The following GREB1 variants were observed in gnomAD, a reference collection of about 807,000 sequenced individuals.
GREB1 encodes the protein growth regulating estrogen receptor binding 1, also known as protein GREB1.
Under a neutral mutation model 200.7 loss-of-function variants are expected in GREB1, and 106 were observed. The ratio of observed to expected loss-of-function variants is 0.53; its 90% CI spans 0.45 to 0.62. The LOEUF is 0.62. Ranked by LOEUF, GREB1 falls within the 20% of genes least tolerant of loss-of-function variation. The pLI is 0.00. For synonymous variants in GREB1, 1,132 were observed against 1,092.4 expected (o/e 1.04, Z -0.72); for missense variants, 2,243 against 2,556.8 (o/e 0.88, Z 2.65).
intron 1 of GREB1, among the ~76,000 whole-genome samples, chr2:11,518,200 G>T (rs1673575181): frequency 6.6e-6 from 1 of 152,180 alleles, no homozygotes; most frequent in African/African-American, 2.4e-5. Flanking sequence ...CCTCCTTCCA[G>T]TTGTTTGACG....
chr2:11,626,761 C>T (rs975029991), intron 24 of GREB1, among the ~76,000 whole-genome samples: 5 of 152,148 alleles, frequency 3.3e-5, no homozygotes, highest in Non-Finnish European at 7.4e-5. Flanking sequence ...TTAGTTTATT[C>T]CACTGACACT....
At chr2:11,603,755 G>A (rs1035484534) in intron 17 of GREB1, among the ~76,000 whole-genome samples, 1 of 152,222 alleles carries the variant, frequency 6.6e-6, no homozygotes, top group Non-Finnish European at 1.5e-5. Context: ...CAAGAAAACC[G>A]GCCTTTGCCC....
chr2:11,567,213 C>T (rs1366355412), intron 4 of GREB1, among the ~76,000 whole-genome samples: 1 of 152,204 alleles, frequency 6.6e-6, no homozygotes, highest in Non-Finnish European at 1.5e-5. Flanking sequence ...CGACCCCCAC[C>T]TCCTGGGTTC....
intron 1 of GREB1, among the ~76,000 whole-genome samples, chr2:11,507,725 A>G (rs1215118314): frequency 6.6e-6 from 1 of 152,050 alleles, no homozygotes; most frequent in Non-Finnish European, 1.5e-5. Context: ...CTCTGGGTGG[A>G]GCTGGTTGCC....
At position 11,620,942 on chromosome 2, in the gene GREB1, TC is replaced by T; in HGVS notation, c.4084del (p.Leu1362CysfsTer63). 6.2e-7 allele frequency: 1 copy of T among 1,613,108 alleles called. No individual in the cohort carries two copies. Among genetic ancestry groups the T allele is most frequent in the South Asian group, 1.1e-5 (1 of 91,064 alleles). On this transcript the variant is annotated frameshift_variant, in exon 23 of 33. Coordinates refer to ENST00000381486, the MANE Select transcript of GREB1 (RefSeq NM_014668.4). LOFTEE classifies it high-confidence loss of function. The stretch of plus-strand genomic sequence containing the variant: ...GGTGCCTACCTGCAGTTCCTCAGTG[TC>T]CTGTCCAGGATGCTTGTTCGGCTCA... Reference protein sequence around the residue: ...KTGAYLQFLSVLSRMLVRLTE... With the variant: ...KTGAYLQFLSXLSRMLVRLTE...
intron 1 of GREB1, among the ~76,000 whole-genome samples, chr2:11,499,329 C>T (rs746786447): frequency 2.0e-5 from 3 of 152,204 alleles, no homozygotes; most frequent in Non-Finnish European, 4.4e-5. Flanking sequence ...ACACACAGGC[C>T]GGCTGCAGCC....
At chr2:11,541,799 CT>C (rs1428861128) in intron 1 of GREB1, among the ~76,000 whole-genome samples, 1 of 152,202 alleles carries the variant, frequency 6.6e-6, no homozygotes, top group African/African-American at 2.4e-5. Context: ...CTCCTACCCC[CT>C]GTCCCTGCAT....
At chr2:11,488,355 G>A (rs1672703006) in intron 1 of GREB1, among the ~76,000 whole-genome samples, 1 of 152,168 alleles carries the variant, frequency 6.6e-6, no homozygotes, top group Admixed American at 6.5e-5. Flanking sequence ...CCTGGAAAGT[G>A]CGCATTTACT....
chr2:11,492,534 GA>G lies in GREB1; in HGVS notation c.-159+10154del, dbSNP rs1213757111. ...TTCTCTGCTGTGAGAAGTTTGGGATGAGGGGTGGGTTTCTGTGAGACCCTGA... is the reference window on the plus strand; with the variant it reads ...TTCTCTGCTGTGAGAAGTTTGGGATGGGGGTGGGTTTCTGTGAGACCCTGA... On this transcript the variant is annotated intron_variant, in intron 1 of 2. Coordinates refer to the GREB1 transcript ENST00000628795. The surrounding 1 kb of genome is among the most constrained non-coding windows in gnomAD (Gnocchi z 4.0). 6.6e-6 allele frequency among the ~76,000 whole-genome samples: 1 copy of G among 152,198 alleles called. No homozygotes were observed. The highest frequency in any genetic ancestry group is 1.5e-5 in the Non-Finnish European group (1 of 68,038).
Position 11,483,964 on chromosome 2 carries a change from G to A in GREB1, c.-159+1583G>A, listed in dbSNP as rs570513090. On this transcript the variant is annotated intron_variant, in intron 1 of 2. Transcript: ENST00000628795. Reference sequence around the variant, plus strand: ...TTATTATCCCTTTAAAACAATAAATGTGTAAATTTAGCTTGAATAAACACT... The same window carrying A: ...TTATTATCCCTTTAAAACAATAAATATGTAAATTTAGCTTGAATAAACACT... Among the ~76,000 whole-genome samples, 6 of 152,274 alleles carry A rather than the reference G, an allele frequency of 3.9e-5. No homozygotes were observed. In the South Asian group the frequency reaches 1.0e-3, roughly 26 times the overall value.
intron 1 of GREB1, among the ~76,000 whole-genome samples, chr2:11,503,158 AAAAG>A (rs1318158771): frequency 5.3e-5 from 8 of 152,292 alleles, no homozygotes; most frequent in South Asian, 4.1e-4. Flanking sequence ...CCAGACAGTA[AAAAG>A]AAAGAAACGT....
intron 11 of GREB1, among the ~76,000 whole-genome samples, chr2:11,593,631 A>G (rs1680946892): frequency 6.6e-6 from 1 of 152,030 alleles, no homozygotes; most frequent in Non-Finnish European, 1.5e-5. Context: ...GGACACGCCC[A>G]GCTAATTTGT....
rs772887849 is a variant in GREB1 at position 11,612,607 on chromosome 2, C to T, written c.3119C>T (p.Pro1040Leu). The change falls in exon 19 of 33, where the codon CCG becomes CTG. Residue 1040 changes from proline to leucine, a missense_variant. This residue lies in a region of GREB1 where 1,178 missense variants were observed against 1,387.4 expected (regional missense o/e 0.85). Transcript: ENST00000381486. ...ATGGACCCGCATGGGGAGTCCTTGC[C>T]GAGGTGAGTGGAGGGGTTATGCCCC... ...SGMDPHGESL[P>L]RSLRYCDLRL... is the part of the protein sequence containing the mutation. 8 of 1,600,510 alleles carry T rather than the reference C, an allele frequency of 5.0e-6. No homozygotes were observed. The highest frequency in any genetic ancestry group is 1.7e-5 in the Admixed American group (1 of 59,966).
rs771216123 is a variant in GREB1, at chr2:11,633,480, C to G, written c.4991+417C>G. On this transcript the variant is annotated intron_variant, in intron 28 of 32. Transcript: ENST00000381486. This position sits in a 1 kb window ranked among gnomAD's most constrained non-coding sequence, Gnocchi z 4.1. ...TTGGGAGGCTGAGGCAGAAGCATGG[C>G]GTGAACCCGGGAGGCGGAGCTTGTA... Among the ~76,000 whole-genome samples, 4 of 151,208 alleles carry G rather than the reference C, an allele frequency of 2.6e-5. No individual in the cohort carries two copies. Among genetic ancestry groups the G allele is most frequent in the Admixed American group, 6.6e-5 (1 of 15,140 alleles).
intron 1 of GREB1, among the ~76,000 whole-genome samples, chr2:11,495,358 T>A (rs1386838809): frequency 1.3e-5 from 2 of 152,182 alleles, no homozygotes; most frequent in Non-Finnish European, 2.9e-5. Flanking sequence ...TGGGACTATA[T>A]GAACCTGCCA....
chr2:11,523,275 G>C (rs888497476), intron 1 of GREB1, among the ~76,000 whole-genome samples: 1 of 151,946 alleles, frequency 6.6e-6, no homozygotes, highest in Non-Finnish European at 1.5e-5. Flanking sequence ...AATAACTATT[G>C]GGTACTAGAC....
intron 7 of GREB1, among the ~76,000 whole-genome samples, chr2:11,581,956 C>T (rs10200851): frequency 0.58 from 88,769 of 152,012 alleles, 27,592 homozygotes; most frequent in African/African-American, 0.81. Flanking sequence ...TCCTGGAGTC[C>T]GAAACCCACA....
At chr2:11,588,024 A>G in intron 9 of GREB1, 1 of 807,382 alleles carries the variant, frequency 1.2e-6, no homozygotes, top group African/African-American at 1.9e-5. Context: ...TCAGAAGTTC[A>G]AGATCAGCCT....
chr2:11,635,128 A>C, intron 29 of GREB1, 142 bp from the exon 30 acceptor site: 1 of 889,444 alleles, frequency 1.1e-6, no homozygotes, highest in South Asian at 1.7e-5. Context: ...CCCTAGAGTA[A>C]GGAAGGTCTT....
Sources: allele counts gnomAD v4.1 joint callset (sites outside exome capture counted in the v4.1 genomes callset), GRCh38; gene constraint gnomAD v4.1.1; regional missense constraint gnomAD v4.1.1; non-coding constraint Gnocchi (gnomAD v3.1); transcripts MANE v1.5; gene names NCBI Gene and HGNC (gene_info 2026-07-23, HGNC 2026-07-21).